PHKB: variants seen among roughly 807,000 people sequenced by gnomAD.
PHKB encodes phosphorylase b kinase regulatory subunit beta.
Under a neutral mutation model 152.1 loss-of-function variants are expected in PHKB, and 122 were observed. The observed-to-expected ratio is 0.80, with a 90% confidence interval of 0.69 to 0.93. The LOEUF (loss-of-function observed/expected upper bound fraction) is 0.93. Among genes scored for constraint, PHKB ranks in the 40% least tolerant of loss-of-function variants. The pLI is 0.00. For missense variants in PHKB, 1,304 were observed against 1,328.4 expected (o/e 0.98, Z 0.29); for synonymous variants, 436 against 464.9 (o/e 0.94, Z 0.80).
At chr16:47,666,144 AT>A (rs761145295) in intron 25 of PHKB, 10 of 772,978 alleles carry the variant, frequency 1.3e-5, no homozygotes, top group Non-Finnish European at 2.3e-5. Flanking sequence ...TTACAATCAG[AT>A]TTATAAGGGC....
At chr16:47,593,985 C>A in intron 11 of PHKB, 152 bp from the exon 12 acceptor site, 1 of 599,566 alleles carries the variant, frequency 1.7e-6, no homozygotes. Context: ...AAATATCACA[C>A]AGATTTGCAT....
chr16:47,461,411 C>A lies in PHKB; in HGVS notation c.61C>A (p.Arg21=). 6.2e-7 allele frequency: 1 copy of A among 1,613,270 alleles called. No homozygotes were observed. The highest frequency in any genetic ancestry group is 8.5e-7 in the Non-Finnish European group (1 of 1,179,792). The change falls in exon 1 of 31, where the codon CGG becomes AGG. Residue 21 remains arginine, a synonymous_variant. Transcript: ENST00000323584. ...VSWKVLERRA[R]TKRSGSVYEP... ...CTGGAAGGTCTTGGAGCGAAGAGCT[C>A]GGACCAAGCGCTCAGGTTTGGCTGG...
intron 14 of PHKB, among the ~76,000 whole-genome samples, chr16:47,624,725 G>A (rs1972679235): frequency 1.3e-5 from 2 of 152,058 alleles, no homozygotes; most frequent in South Asian, 4.1e-4. Flanking sequence ...CCTCTCTCAA[G>A]GGCCTGTCTT....
chr16:47,627,959 GGT>G (rs1972740940), intron 14 of PHKB, among the ~76,000 whole-genome samples: 1 of 152,168 alleles, frequency 6.6e-6, no homozygotes, highest in East Asian at 1.9e-4. Flanking sequence ...CAGCTAATGA[GGT>G]TTTGCTGAAA....
intron 26 of PHKB, among the ~76,000 whole-genome samples, chr16:47,679,878 C>T (rs1046710831): frequency 2.0e-5 from 3 of 152,146 alleles, no homozygotes; most frequent in South Asian, 2.1e-4. Flanking sequence ...CCAGTTTTTG[C>T]CCATTCAGTA....
At chr16:47,631,034 C>T (rs1339073745) in intron 14 of PHKB, among the ~76,000 whole-genome samples, 1 of 152,068 alleles carries the variant, frequency 6.6e-6, no homozygotes, top group Admixed American at 6.5e-5. Flanking sequence ...AAACTGTCAG[C>T]TCTCCTGGGT....
intron 14 of PHKB, among the ~76,000 whole-genome samples, chr16:47,627,729 T>A (rs984845171): frequency 2.0e-5 from 3 of 152,258 alleles, no homozygotes; most frequent in African/African-American, 7.2e-5. Flanking sequence ...GTTATTCCTC[T>A]GATATTTCTA....
In PHKB at chr16:47,477,745, T is replaced by A. The variant is rs551564327; in HGVS notation, c.76+16319T>A. 5.9e-5 allele frequency among the ~76,000 whole-genome samples: 9 copies of A among 152,310 alleles called. No individual in the cohort carries two copies. The East Asian group carries it at 1.7e-3, about 29-fold the overall frequency. On this transcript the variant is annotated intron_variant, in intron 1 of 30. Coordinates refer to ENST00000323584, the MANE Select transcript of PHKB (RefSeq NM_000293.3). The stretch of plus-strand genomic sequence containing the variant: ...CTGCTTTTACCCCTTGTATACAAAC[T>A]TTGAGCTATCTCTGTGTACTGATTT...
intron 11 of PHKB, among the ~76,000 whole-genome samples, chr16:47,593,806 T>G (rs898535169): frequency 3.3e-4 from 50 of 152,212 alleles, no homozygotes; most frequent in Non-Finnish European, 5.1e-4. Context: ...CATATATATT[T>G]TCTTCATATT....
chr16:47,508,440 T>A (rs899326738), intron 4 of PHKB, among the ~76,000 whole-genome samples: 4 of 152,200 alleles, frequency 2.6e-5, no homozygotes, highest in African/African-American at 7.2e-5. Flanking sequence ...ATCTATCTAC[T>A]GAAAATTTTT....
chr16:47,622,007 G>T (rs1466317071), intron 14 of PHKB, among the ~76,000 whole-genome samples: 1 of 152,048 alleles, frequency 6.6e-6, no homozygotes, highest in African/African-American at 2.4e-5. Flanking sequence ...TCAATAATAG[G>T]CATGATGTAT....
chr16:47,495,561 A>T (rs575398995), intron 1 of PHKB, among the ~76,000 whole-genome samples: 1 of 152,296 alleles, frequency 6.6e-6, no homozygotes, highest in African/African-American at 2.4e-5. Context: ...ATATATACAT[A>T]TGCACAATTT....
chr16:47,477,637 A>G (rs1969891296), intron 1 of PHKB, among the ~76,000 whole-genome samples: 1 of 152,220 alleles, frequency 6.6e-6, no homozygotes, highest in Non-Finnish European at 1.5e-5. Context: ...GGTTTATAAT[A>G]GCTTTATGAC....
chr16:47,580,079 G>A (rs1217377762), intron 7 of PHKB, among the ~76,000 whole-genome samples: 1 of 152,004 alleles, frequency 6.6e-6, no homozygotes, highest in Admixed American at 6.6e-5. Context: ...AGATCAAGGT[G>A]AACCTAGAAA....
At chr16:47,644,579 A>G (rs2151728073) in intron 16 of PHKB, among the ~76,000 whole-genome samples, 1 of 152,340 alleles carries the variant, frequency 6.6e-6, no homozygotes, top group African/African-American at 2.4e-5. Context: ...CAATCAGTAG[A>G]TTGTGTAGAG....
At chr16:47,695,113 C>T (rs1236398983) in intron 28 of PHKB, among the ~76,000 whole-genome samples, 2 of 152,080 alleles carry the variant, frequency 1.3e-5, no homozygotes, top group African/African-American at 4.8e-5. Flanking sequence ...TAAGTAGCTG[C>T]CCCAGGATGT....
intron 14 of PHKB, among the ~76,000 whole-genome samples, chr16:47,623,819 A>G (rs778138616): frequency 3.3e-5 from 5 of 151,984 alleles, no homozygotes; most frequent in African/African-American, 7.2e-5. Flanking sequence ...CAGCCTTCCA[A>G]AGTACTGGGA....
rs574075090 is a variant in PHKB, at chr16:47,494,537, T to C, written c.77-2862T>C. Among the ~76,000 whole-genome samples, 184 of 152,314 alleles carry C rather than the reference T, an allele frequency of 1.2e-3. No homozygotes were observed. The Middle Eastern group carries it at 0.017, about 14-fold the overall frequency. On this transcript the variant is annotated intron_variant, in intron 1 of 30. Transcript: ENST00000323584. ...GAAGGAAAGTGTGATTGAAGTCCCT[T>C]ACTCTTGTCTTCCTGAGCCTGGTAA...
intron 25 of PHKB, among the ~76,000 whole-genome samples, chr16:47,666,346 G>C (rs1259949812): frequency 1.3e-5 from 2 of 152,196 alleles, no homozygotes; most frequent in African/African-American, 4.8e-5. Context: ...CGGATAGGCA[G>C]AACAGAGGTA....
Sources: allele counts gnomAD v4.1 joint callset (sites outside exome capture counted in the v4.1 genomes callset), GRCh38; gene constraint gnomAD v4.1.1; transcripts MANE v1.5; gene names NCBI Gene and HGNC (gene_info 2026-07-23, HGNC 2026-07-21).